Variants in FOXP2 observed in about 807,000 individuals in gnomAD.
FOXP2 encodes forkhead box protein P2.
Under a neutral mutation model 115.8 loss-of-function variants are expected in FOXP2, and 12 were observed. That is an observed-to-expected ratio of 0.10 (90% CI 0.07 to 0.17). The LOEUF is 0.17. Among genes scored for constraint, FOXP2 ranks in the 10% least tolerant of loss-of-function variants. The pLI is 1.00. For missense variants in FOXP2, 629 were observed against 843.5 expected (o/e 0.75, Z 3.15); for synonymous variants, 328 against 297.7 (o/e 1.10, Z -1.05).
At chr7:114,099,234 A>G (rs1370076741) in intron 1 of FOXP2, among the ~76,000 whole-genome samples, 1 of 152,228 alleles carries the variant, frequency 6.6e-6, no homozygotes, top group African/African-American at 2.4e-5. Context: ...ACATTTCTCC[A>G]AAGAAGACAA....
At chr7:114,348,703 T>A (rs1039038191) in intron 2 of FOXP2, among the ~76,000 whole-genome samples, 2 of 152,130 alleles carry the variant, frequency 1.3e-5, no homozygotes, top group Non-Finnish European at 1.5e-5. Context: ...GAGGCCAGAC[T>A]GAATTTCCTC....
chr7:114,500,661 A>G (rs1445140302), intron 2 of FOXP2, among the ~76,000 whole-genome samples: 2 of 152,202 alleles, frequency 1.3e-5, no homozygotes, highest in African/African-American at 4.8e-5. Flanking sequence ...TGAGGCGTCT[A>G]AGACTACTTG....
At chr7:114,119,042 C>G (rs1346354612) in intron 1 of FOXP2, among the ~76,000 whole-genome samples, 6 of 152,118 alleles carry the variant, frequency 3.9e-5, no homozygotes, top group Non-Finnish European at 8.8e-5. Context: ...TTCCCAAATA[C>G]AAGTTCATTC....
chr7:114,521,077 A>G (rs1175194808), intron 2 of FOXP2, among the ~76,000 whole-genome samples: 1 of 152,162 alleles, frequency 6.6e-6, no homozygotes, highest in Non-Finnish European at 1.5e-5. Flanking sequence ...GCTTTGGTGA[A>G]TTTGAAATTT....
chr7:114,117,585 A>G (rs73716356), intron 1 of FOXP2, among the ~76,000 whole-genome samples: 9,091 of 152,132 alleles, frequency 0.06, 537 homozygotes, highest in African/African-American at 0.16. Context: ...ATTGAGAGGG[A>G]TCTTAAACAT....
chr7:114,245,287 G>C (rs927936793), intron 1 of FOXP2, among the ~76,000 whole-genome samples: 18 of 152,140 alleles, frequency 1.2e-4, no homozygotes, highest in Admixed American at 7.2e-4. Flanking sequence ...CAAATATTTA[G>C]AGAGTGAATA....
intron 10 of FOXP2, among the ~76,000 whole-genome samples, chr7:114,654,450 T>A (rs1385061741): frequency 6.6e-6 from 1 of 152,132 alleles, no homozygotes; most frequent in African/African-American, 2.4e-5. Flanking sequence ...GTCATAAAGG[T>A]CATGGTATTT....
intron 2 of FOXP2, among the ~76,000 whole-genome samples, chr7:114,403,505 G>C (rs1320645662): frequency 6.6e-6 from 1 of 152,168 alleles, no homozygotes; most frequent in African/African-American, 2.4e-5. Context: ...TAAGTTAACA[G>C]TCTTTTTGCA....
intron 1 of FOXP2, among the ~76,000 whole-genome samples, chr7:114,420,869 T>C (rs1793589414): frequency 6.6e-6 from 1 of 151,808 alleles, no homozygotes; most frequent in Admixed American, 6.6e-5. Flanking sequence ...ATTTAGCATG[T>C]ACCTTGAAAA....
upstream of FOXP2, among the ~76,000 whole-genome samples, chr7:114,158,357 T>C (rs1792727598): frequency 6.6e-6 from 1 of 151,996 alleles, no homozygotes; most frequent in Admixed American, 6.6e-5. Flanking sequence ...TATTTGTTGG[T>C]ATTTATTTTT....
intron 2 of FOXP2, among the ~76,000 whole-genome samples, chr7:114,428,867 G>A (rs1793985230): frequency 4.0e-5 from 6 of 151,472 alleles, no homozygotes; most frequent in Admixed American, 4.0e-4. Flanking sequence ...GTGAAAAAGT[G>A]AAATAATTGT....
intron 2 of FOXP2, among the ~76,000 whole-genome samples, chr7:114,406,428 C>T (rs1312375365): frequency 2.0e-5 from 3 of 151,848 alleles, no homozygotes; most frequent in Non-Finnish European, 1.5e-5. Context: ...ACAGGTGTGG[C>T]ATGATGGAAT....
At chr7:114,185,880 A>C (rs1426640558) in intron 1 of FOXP2, among the ~76,000 whole-genome samples, 1 of 152,194 alleles carries the variant, frequency 6.6e-6, no homozygotes, top group East Asian at 1.9e-4. Flanking sequence ...ATTTATAATC[A>C]ACAGAAATTT....
At chr7:114,570,352 A>G (rs974705158) in intron 3 of FOXP2, among the ~76,000 whole-genome samples, 1 of 151,922 alleles carries the variant, frequency 6.6e-6, no homozygotes, top group Admixed American at 6.6e-5. Flanking sequence ...ATGACATGGT[A>G]GGACAGGATT....
chr7:114,526,229 A>G (rs139110108), intron 2 of FOXP2, among the ~76,000 whole-genome samples: 1 of 147,764 alleles, frequency 6.8e-6, no homozygotes, highest in Non-Finnish European at 1.5e-5. Context: ...CTCTAATCCC[A>G]GAACTTTGGG....
intron 2 of FOXP2, among the ~76,000 whole-genome samples, chr7:114,458,546 CTT>C (rs1177402028): frequency 1.2e-4 from 14 of 113,412 alleles, no homozygotes; most frequent in African/African-American, 2.1e-4. Flanking sequence ...ATTTTCTTTT[CTT>C]TTTTTTTTTT....
intron 1 of FOXP2, among the ~76,000 whole-genome samples, chr7:114,426,054 G>A (rs1003483649): frequency 6.6e-6 from 1 of 151,590 alleles, no homozygotes; most frequent in Non-Finnish European, 1.5e-5. Flanking sequence ...TTAAACAACA[G>A]CCTTGCATAA....
At chr7:114,640,472 G>T (rs1805461279) in intron 6 of FOXP2, among the ~76,000 whole-genome samples, 1 of 152,132 alleles carries the variant, frequency 6.6e-6, no homozygotes, top group South Asian at 2.1e-4. Context: ...AGCTATTTAA[G>T]GTTAATGCTG....
intron 2 of FOXP2, among the ~76,000 whole-genome samples, chr7:114,373,464 A>C (rs533728834): frequency 6.6e-6 from 1 of 152,330 alleles, no homozygotes; most frequent in South Asian, 2.1e-4. Context: ...AGAAAAACAA[A>C]ACAAAAAACA....
Sources: allele counts gnomAD v4.1 joint callset (sites outside exome capture counted in the v4.1 genomes callset), GRCh38; gene constraint gnomAD v4.1.1; transcripts MANE v1.5; gene names NCBI Gene and HGNC (gene_info 2026-07-23, HGNC 2026-07-21).